Variants in SOX5 observed in about 807,000 individuals in gnomAD.
SOX5 encodes transcription factor SOX-5.
SOX5 carries 9 observed loss-of-function variants against 92.0 expected under a neutral mutation model. The observed-to-expected ratio is 0.10, with a 90% CI of 0.06 to 0.17. The LOEUF (loss-of-function observed/expected upper bound fraction) is 0.17, where lower values mean the gene tolerates loss of function less well. Among genes scored for constraint, SOX5 ranks in the 10% least tolerant of loss-of-function variants. SOX5 has a pLI of 1.00. For missense variants in SOX5, 642 were observed against 944.5 expected (o/e 0.68, Z 4.20); for synonymous variants, 344 against 336.3 (o/e 1.02, Z -0.25).
intron 2 of SOX5, among the ~76,000 whole-genome samples, chr12:24,355,324 T>C (rs1168900230): frequency 1.2e-5 from 1 of 85,754 alleles, no homozygotes; most frequent in Non-Finnish European, 2.4e-5. Context: ...TTTTTTTTTT[T>C]TGAGATGGAG....
intron 4 of SOX5, among the ~76,000 whole-genome samples, chr12:23,753,812 C>T (rs1459380087): frequency 1.3e-5 from 2 of 151,768 alleles, no homozygotes; most frequent in Admixed American, 1.3e-4. Flanking sequence ...ACTATTGTAT[C>T]CTCTCCACTT....
chr12:23,572,706 G>A (rs1326622981), intron 10 of SOX5, among the ~76,000 whole-genome samples: 1 of 152,126 alleles, frequency 6.6e-6, no homozygotes, highest in Non-Finnish European at 1.5e-5. Flanking sequence ...TATTATGATA[G>A]TGAATGATTC....
intron 4 of SOX5, among the ~76,000 whole-genome samples, chr12:24,206,198 G>T (rs951140828): frequency 2.6e-5 from 4 of 152,186 alleles, no homozygotes; most frequent in Middle Eastern, 3.2e-3. Context: ...GATAGCATTT[G>T]CCTTACTGGT....
intron 1 of SOX5, among the ~76,000 whole-genome samples, chr12:24,510,420 T>A (rs1303486023): frequency 1.3e-5 from 2 of 152,232 alleles, no homozygotes; most frequent in Non-Finnish European, 2.9e-5. Flanking sequence ...AATTTTCAAA[T>A]TTTTAATGAT....
chr12:24,065,645 C>CAAAAAAAAAAAAAAAAAAAAAAA (rs71445983), intron 4 of SOX5, among the ~76,000 whole-genome samples: 15 of 81,666 alleles, frequency 1.8e-4, no homozygotes, highest in South Asian at 4.3e-4. Context: ...GACTCCATCT[C>CAAAAAAAAAAAAAAAAAAAAAAA]AAAAAAAAAA....
chr12:24,228,867 T>G (rs1962708952), intron 3 of SOX5, among the ~76,000 whole-genome samples: 1 of 152,194 alleles, frequency 6.6e-6, no homozygotes, highest in Non-Finnish European at 1.5e-5. Context: ...TTGGTGCCTC[T>G]CACCCCTGGC....
chr12:24,006,803 C>T (rs1296408998), intron 4 of SOX5, among the ~76,000 whole-genome samples: 1 of 152,012 alleles, frequency 6.6e-6, no homozygotes, highest in South Asian at 2.1e-4. Context: ...TCATCCTCCT[C>T]AAATAGCCCC....
intron 4 of SOX5, among the ~76,000 whole-genome samples, chr12:24,059,820 T>G (rs1164572658): frequency 6.6e-6 from 1 of 152,236 alleles, no homozygotes; most frequent in African/African-American, 2.4e-5. Context: ...AATACATCGT[T>G]AATGGAAGAT....
intron 2 of SOX5, among the ~76,000 whole-genome samples, chr12:23,864,027 TAAGC>T (rs899456714): frequency 1.3e-5 from 2 of 152,114 alleles, no homozygotes; most frequent in Non-Finnish European, 2.9e-5. Context: ...AACTGTGCAT[TAAGC>T]AAGTTTATTG....
chr12:23,641,549 A>G (rs539270499), intron 7 of SOX5, among the ~76,000 whole-genome samples: 1 of 152,340 alleles, frequency 6.6e-6, no homozygotes, highest in Non-Finnish European at 1.5e-5. Flanking sequence ...AAAAAAGCAC[A>G]CTAATTCAAA....
chr12:23,961,729 T>C (rs11047173), intron 4 of SOX5, among the ~76,000 whole-genome samples: 66,122 of 151,970 alleles, frequency 0.44, 15,655 homozygotes, highest in Non-Finnish European at 0.55. Flanking sequence ...TCCTCAAGAC[T>C]ATTTCACAGC....
intron 1 of SOX5, among the ~76,000 whole-genome samples, chr12:23,928,058 G>A (rs1031775231): frequency 6.6e-6 from 1 of 152,048 alleles, no homozygotes; most frequent in South Asian, 2.1e-4. Flanking sequence ...GAGCTCCCCA[G>A]TGAAAATCTA....
At chr12:23,970,266 A>T (rs975254217) in intron 4 of SOX5, among the ~76,000 whole-genome samples, 8 of 151,876 alleles carry the variant, frequency 5.3e-5, no homozygotes, top group Non-Finnish European at 8.8e-5. Flanking sequence ...TTGTTGAGAT[A>T]TAATTCGCAT....
intron 1 of SOX5, among the ~76,000 whole-genome samples, chr12:23,919,846 A>T (rs533093194): frequency 6.6e-6 from 1 of 152,342 alleles, no homozygotes; most frequent in Admixed American, 6.5e-5. Context: ...AAATAACCCT[A>T]AAAATGGCAT....
chr12:24,446,655 T>A (rs1941525218), intron 1 of SOX5, among the ~76,000 whole-genome samples: 1 of 152,094 alleles, frequency 6.6e-6, no homozygotes, highest in Admixed American at 6.5e-5. Flanking sequence ...GTGGGGGTGA[T>A]TAGAATGGAA....
rs903838854 is a variant in SOX5, at chr12:24,100,272, A to G, written c.-2+113071T>C. Among the ~76,000 whole-genome samples the G allele has an allele frequency of 5.3e-5, 8 of 152,062 alleles. No homozygotes were observed. The East Asian group carries it at 1.2e-3, about 22-fold the overall frequency. Reference sequence around the variant, plus strand: ...CACAGCTACAATTCTTAACACCTCTAAACTCACTTTCTCCACTTCCAAACC... The same window carrying G: ...CACAGCTACAATTCTTAACACCTCTGAACTCACTTTCTCCACTTCCAAACC... On this transcript the variant is annotated intron_variant, in intron 4 of 4. Transcript: ENST00000446891.
At chr12:24,182,140 T>C (rs144269034) in intron 4 of SOX5, among the ~76,000 whole-genome samples, 1,793 of 152,238 alleles carry the variant, frequency 0.012, 16 homozygotes, top group Non-Finnish European at 0.019. Flanking sequence ...GGAAAACATA[T>C]TTTAGAGGAT....
chr12:23,686,135 G>T (rs2087528347), intron 6 of SOX5, among the ~76,000 whole-genome samples: 1 of 152,118 alleles, frequency 6.6e-6, no homozygotes, highest in South Asian at 2.1e-4. Flanking sequence ...TTGTAGAACA[G>T]AGCAGTCTAT....
intron 4 of SOX5, among the ~76,000 whole-genome samples, chr12:24,031,163 T>C (rs964581054): frequency 2.0e-5 from 3 of 151,278 alleles, no homozygotes; most frequent in East Asian, 2.0e-4. Context: ...AAATTAAAAA[T>C]AGAACTACCA....
Sources: gnomAD v4.1 joint callset for allele counts (sites outside exome capture counted in the v4.1 genomes callset) on GRCh38, gnomAD v4.1.1 for gene constraint, MANE v1.5 for transcripts, NCBI Gene and HGNC (gene_info 2026-07-23, HGNC 2026-07-21) for gene names.